UGT1A7: variants seen among roughly 807,000 people sequenced by gnomAD.
UGT1A7 encodes UDP-glucuronosyltransferase 1A7.
A neutral mutation model predicts 45.6 loss-of-function variants in UGT1A7; 33 were observed. That is an observed-to-expected ratio of 0.72 (90% confidence interval 0.55 to 0.97). The LOEUF is 0.97. Ranked by LOEUF, UGT1A7 falls within the 50% of genes least tolerant of loss-of-function variation. The pLI is 0.00. For missense variants in UGT1A7, 684 were observed against 666.2 expected (o/e 1.03, Z -0.29); for synonymous variants, 274 against 250.6 (o/e 1.09, Z -0.88).
At chr2:233,757,048 T>G (rs536754863) in intron 1 of UGT1A7, among the ~76,000 whole-genome samples, 1 of 151,428 alleles carries the variant, frequency 6.6e-6, no homozygotes, top group South Asian at 2.1e-4. Flanking sequence ...AAAGGAAGTT[T>G]GGGGAACAGC....
At chr2:233,695,130 C>CTTTCTTTTTTTTTTTTTTT (rs1364557158) in intron 1 of UGT1A7, among the ~76,000 whole-genome samples, 1 of 138,838 alleles carries the variant, frequency 7.2e-6, no homozygotes. Flanking sequence ...CTTTTCTTTT[C>CTTTCTTTTTTTTTTTTTTT]TTTTTTTTTT....
In UGT1A7 at chr2:233,743,767, G is replaced by C. The variant is rs374421270; in HGVS notation, c.856-23267G>C. ...CGTCCGACAACACCTCGTAGGCCTCGGCCACCTGCTTGAATCTCCTCTCCG... is the reference window on the plus strand; with the variant it reads ...CGTCCGACAACACCTCGTAGGCCTCCGCCACCTGCTTGAATCTCCTCTCCG... On this transcript the variant is annotated intron_variant, in intron 1 of 4. Transcript: ENST00000373426. 1.6e-3 allele frequency: 2,161 copies of C among 1,367,298 alleles called. 5 individuals are homozygous for C. Among genetic ancestry groups the C allele is most frequent in the Non-Finnish European group, 2.0e-3 (2,052 of 1,021,846 alleles). 84.7% of individuals were successfully genotyped at this position (1,367,298 alleles called of 1,614,324 possible).
At chr2:233,718,632 C>T in intron 1 of UGT1A7, 1 of 1,448,466 alleles carries the variant, frequency 6.9e-7, no homozygotes, top group Non-Finnish European at 9.3e-7. Flanking sequence ...TGGTCTTTCC[C>T]AGGGTTGGGC....
chr2:233,682,323 A>G lies in UGT1A7; in HGVS notation c.386A>G (p.Asn129Ser), dbSNP rs56385016. ...LFFSNCRSLF[N>S]DRKLVEYLKE... ...TTTTCAAATTGCAGGAGTTTGTTTA[A>G]TGACCGAAAATTAGTAGAATACTTA... Residue 129 changes from asparagine to serine, a missense_variant, in exon 1 of 5, where the codon AAT (asparagine) becomes AGT (serine). Asn to Ser is a conservative substitution (Grantham distance 46). Transcript: ENST00000373426. 8.4e-3 allele frequency: 13,601 copies of G among 1,614,124 alleles called. 82 individuals are homozygous for G. Among genetic ancestry groups the G allele is most frequent in the Non-Finnish European group, 9.8e-3 (11,581 of 1,180,010 alleles).
intron 1 of UGT1A7, among the ~76,000 whole-genome samples, chr2:233,747,015 G>C (rs911515983): frequency 6.6e-6 from 1 of 151,822 alleles, no homozygotes; most frequent in African/African-American, 2.4e-5. Flanking sequence ...AGGAGTGATC[G>C]GTCTTTCCCG....
chr2:233,755,452 CTGGCCCTGCTCTCTGTGAGGCTCTGTG>C (rs1695924346), intron 1 of UGT1A7: 1 of 306,254 alleles, frequency 3.3e-6, no homozygotes, highest in Admixed American at 4.3e-5. Flanking sequence ...GCTCCTGGGA[CTGGCCCTGCTCTCTGTGAGGCTCTGTG>C]AGGCCCTGTG....
intron 1 of UGT1A7, chr2:233,713,039 G>A (rs1346313481): frequency 5.6e-6 from 9 of 1,613,884 alleles, no homozygotes; most frequent in Non-Finnish European, 7.6e-6. Flanking sequence ...CCACAGGACT[G>A]CTGCTTCTCC....
intron 2 of UGT1A7, 91 bp from the exon 3 acceptor site, chr2:233,767,758 G>A: frequency 6.2e-7 from 1 of 1,604,004 alleles, no homozygotes. Context: ...TGTTCCTTCA[G>A]AGGACCCCTG....
intron 1 of UGT1A7, chr2:233,729,857 CAGT>C (rs759461021): frequency 1.9e-6 from 3 of 1,613,876 alleles, no homozygotes; most frequent in Non-Finnish European, 2.5e-6. Flanking sequence ...AGAGAGGTGT[CAGT>C]GGTGGATATT....
chr2:233,689,103 G>C (rs2074926798), intron 1 of UGT1A7, among the ~76,000 whole-genome samples: 1 of 152,120 alleles, frequency 6.6e-6, no homozygotes, highest in Non-Finnish European at 1.5e-5. Context: ...CCTCCCCACT[G>C]CTCCTGGAAC....
intron 1 of UGT1A7, among the ~76,000 whole-genome samples, chr2:233,706,759 A>G (rs1474943157): frequency 2.6e-5 from 4 of 152,188 alleles, no homozygotes; most frequent in Non-Finnish European, 5.9e-5. Flanking sequence ...AGTGCCGTAC[A>G]CTGGTATCCA....
chr2:233,686,492 C>A (rs2074791571), intron 1 of UGT1A7, among the ~76,000 whole-genome samples: 1 of 152,052 alleles, frequency 6.6e-6, no homozygotes, highest in East Asian at 1.9e-4. Flanking sequence ...ACTTTCTGAA[C>A]AGGTGAGCCC....
chr2:233,747,917 C>T, intron 1 of UGT1A7: 6 of 1,613,510 alleles, frequency 3.7e-6, no homozygotes, highest in Non-Finnish European at 5.1e-6. Flanking sequence ...CAAGCCTTGC[C>T]TCTGAGCTTT....
intron 1 of UGT1A7, among the ~76,000 whole-genome samples, chr2:233,766,662 C>T (rs911110190): frequency 3.9e-5 from 6 of 152,180 alleles, no homozygotes; most frequent in Non-Finnish European, 8.8e-5. Flanking sequence ...GGACCACGCC[C>T]TTCCCAGCTC....
chr2:233,684,369 C>A (rs2074676819), intron 1 of UGT1A7, among the ~76,000 whole-genome samples: 1 of 152,204 alleles, frequency 6.6e-6, no homozygotes, highest in African/African-American at 2.4e-5. Flanking sequence ...CCCCTGTTTA[C>A]CCTCCATCAA....
intron 1 of UGT1A7, among the ~76,000 whole-genome samples, chr2:233,724,109 G>A (rs1321159895): frequency 1.4e-4 from 16 of 113,960 alleles, no homozygotes; most frequent in East Asian, 4.5e-4. Flanking sequence ...AGGGGCGGCC[G>A]GGCAGAGGCG....
chr2:233,738,092 G>A (rs994009191), intron 1 of UGT1A7, among the ~76,000 whole-genome samples: 1 of 152,196 alleles, frequency 6.6e-6, no homozygotes, highest in African/African-American at 2.4e-5. Context: ...ATCATAGTGA[G>A]TGAGTTCTTA....
intron 1 of UGT1A7, among the ~76,000 whole-genome samples, chr2:233,737,236 T>A (rs2078854689): frequency 6.6e-6 from 1 of 152,226 alleles, no homozygotes; most frequent in Non-Finnish European, 1.5e-5. Flanking sequence ...CTGGATGCTT[T>A]GTTTACCTAC....
intron 1 of UGT1A7, chr2:233,690,539 A>G (rs1032041279): frequency 1.6e-6 from 2 of 1,289,530 alleles, no homozygotes; most frequent in Admixed American, 4.6e-5. Context: ...CTTTCACCCC[A>G]CTGGAATATG....
Sources: allele counts gnomAD v4.1 joint callset (sites outside exome capture counted in the v4.1 genomes callset), GRCh38; gene constraint gnomAD v4.1.1; transcripts MANE v1.5; gene names NCBI Gene and HGNC (gene_info 2026-07-23, HGNC 2026-07-21).